Variants in PTPRK observed in about 807,000 individuals in gnomAD.
PTPRK encodes protein tyrosine phosphatase receptor type K.
Under a neutral mutation model 178.0 loss-of-function variants are expected in PTPRK, and 75 were observed. The observed-to-expected ratio is 0.42, with a 90% confidence interval of 0.35 to 0.51. The LOEUF (loss-of-function observed/expected upper bound fraction) is 0.51. Ranked by LOEUF, PTPRK falls within the 20% of genes least tolerant of loss-of-function variation. The pLI, the probability that PTPRK is intolerant of heterozygous loss-of-function variation, is 0.02. For missense variants in PTPRK, 1,441 were observed against 1,797.8 expected (o/e 0.80, Z 3.59); for synonymous variants, 637 against 620.6 (o/e 1.03, Z -0.39).
chr6:128,236,162 T>C (rs984586432), intron 5 of PTPRK, among the ~76,000 whole-genome samples: 1 of 151,922 alleles, frequency 6.6e-6, no homozygotes, highest in Non-Finnish European at 1.5e-5. Flanking sequence ...ACTACAAAAT[T>C]AAAATGGCTT....
chr6:127,985,584 G>T, intron 22 of PTPRK, 137 bp downstream of exon 22: 1 of 948,438 alleles, frequency 1.1e-6, no homozygotes, highest in Non-Finnish European at 1.5e-6. Flanking sequence ...TTATTTTATT[G>T]CTGTTTTACT....
chr6:127,976,916 C>T lies in PTPRK; in HGVS notation c.3843+7G>A. 2 of 1,613,872 alleles carry T rather than the reference C, an allele frequency of 1.2e-6. No homozygotes were observed. Among genetic ancestry groups the T allele is most frequent in the South Asian group, 2.2e-5 (2 of 91,072 alleles). On this transcript the variant is annotated splice_region_variant and intron_variant, in intron 26 of 29. Transcript: ENST00000368226. ...TAAGTACATAAAAGCAATCCATAGCCATTAACCTGGGACAAGTCGACTTCG... is the reference window on the plus strand; with the variant it reads ...TAAGTACATAAAAGCAATCCATAGCTATTAACCTGGGACAAGTCGACTTCG...
chr6:128,209,777 G>C (rs1807740937), intron 6 of PTPRK, among the ~76,000 whole-genome samples: 1 of 152,110 alleles, frequency 6.6e-6, no homozygotes, highest in Non-Finnish European at 1.5e-5. Flanking sequence ...ATTAGAAAAA[G>C]CCAAGACCCT....
At chr6:128,426,173 T>C (rs568032803) in intron 1 of PTPRK, among the ~76,000 whole-genome samples, 1 of 152,328 alleles carries the variant, frequency 6.6e-6, no homozygotes, top group Admixed American at 6.5e-5. Context: ...ATTCCTCTGA[T>C]TTCTAGTCCT....
At chr6:128,089,181 C>T (rs1786485167) in intron 8 of PTPRK, among the ~76,000 whole-genome samples, 1 of 152,184 alleles carries the variant, frequency 6.6e-6, no homozygotes, top group African/African-American at 2.4e-5. Flanking sequence ...CCAGGCTGGT[C>T]TTGAACTCTT....
chr6:128,407,146 T>C (rs1378727818), intron 1 of PTPRK, among the ~76,000 whole-genome samples: 1 of 152,178 alleles, frequency 6.6e-6, no homozygotes, highest in Non-Finnish European at 1.5e-5. Context: ...GCTGTGTACA[T>C]TTAAGTCATC....
At chr6:128,295,626 T>A (rs907355156) in intron 3 of PTPRK, among the ~76,000 whole-genome samples, 1 of 152,104 alleles carries the variant, frequency 6.6e-6, no homozygotes, top group Admixed American at 6.6e-5. Context: ...TACTTTTTGG[T>A]TCTTGCTTCT....
intron 1 of PTPRK, among the ~76,000 whole-genome samples, chr6:128,415,390 A>G (rs1269479509): frequency 3.9e-5 from 6 of 152,158 alleles, no homozygotes; most frequent in African/African-American, 1.4e-4. Flanking sequence ...CATTGCCACA[A>G]TTAAGAATGC....
intron 3 of PTPRK, among the ~76,000 whole-genome samples, chr6:128,297,113 C>G (rs1238220845): frequency 6.6e-6 from 1 of 151,492 alleles, no homozygotes; most frequent in East Asian, 1.9e-4. Flanking sequence ...CAACAAAGAT[C>G]AAAAGAGACA....
intron 2 of PTPRK, among the ~76,000 whole-genome samples, chr6:128,367,692 G>A (rs943858155): frequency 6.6e-6 from 1 of 152,096 alleles, no homozygotes; most frequent in Non-Finnish European, 1.5e-5. Flanking sequence ...ATAATATTAA[G>A]TATGGTGATA....
intron 7 of PTPRK, among the ~76,000 whole-genome samples, chr6:128,147,075 T>C (rs1471956437): frequency 6.6e-6 from 1 of 152,170 alleles, no homozygotes; most frequent in Non-Finnish European, 1.5e-5. Flanking sequence ...TGAGATATTG[T>C]CTTTGTACAA....
At chr6:128,237,400 G>A (rs1562845702) in intron 5 of PTPRK, among the ~76,000 whole-genome samples, 1 of 152,132 alleles carries the variant, frequency 6.6e-6, no homozygotes, top group Non-Finnish European at 1.5e-5. Context: ...CTCAGTACTA[G>A]CAGCAGATAT....
intron 2 of PTPRK, among the ~76,000 whole-genome samples, chr6:128,335,196 A>G (rs1830755008): frequency 6.6e-6 from 1 of 152,202 alleles, no homozygotes; most frequent in African/African-American, 2.4e-5. Flanking sequence ...TCTCCTCTCT[A>G]CCATCTTACT....
At chr6:128,154,866 G>T (rs1056301503) in intron 7 of PTPRK, among the ~76,000 whole-genome samples, 23 of 151,664 alleles carry the variant, frequency 1.5e-4, no homozygotes, top group African/African-American at 4.1e-4. Context: ...GTAGATAGAA[G>T]AATGTAACAA....
At chr6:128,083,905 G>A in intron 8 of PTPRK, 81 bp from the exon 9 acceptor site, 1 of 619,888 alleles carries the variant, frequency 1.6e-6, no homozygotes, top group South Asian at 4.2e-5. Flanking sequence ...TAGATAAACA[G>A]GATTAAAAAT....
In PTPRK at chr6:128,116,929, G is replaced by A. The variant is rs140928701; in HGVS notation, c.1163-26937C>T. On this transcript the variant is annotated intron_variant, in intron 7 of 29. Coordinates refer to ENST00000368226, the MANE Select transcript of PTPRK (RefSeq NM_002844.4). The stretch of plus-strand genomic sequence containing the variant: ...TGGGAGGCCGAGGCGTGTGGATCAC[G>A]AGGTCAGGAGATCAAGACCATCCTG... Among the ~76,000 whole-genome samples, 580 of 152,134 alleles carry A rather than the reference G, an allele frequency of 3.8e-3. 29 individuals carry two copies. The East Asian group carries it at 0.095, about 25-fold the overall frequency.
At chr6:128,280,256 G>C (rs1244751092) in intron 3 of PTPRK, among the ~76,000 whole-genome samples, 1 of 152,136 alleles carries the variant, frequency 6.6e-6, no homozygotes, top group African/African-American at 2.4e-5. Context: ...CTCAGGACCT[G>C]TAAAGTTAGG....
At chr6:128,016,632 G>A (rs1779623122) in intron 13 of PTPRK, among the ~76,000 whole-genome samples, 1 of 150,980 alleles carries the variant, frequency 6.6e-6, no homozygotes, top group Admixed American at 6.7e-5. Context: ...ATGAATAACA[G>A]TTATTAATTT....
At position 127,976,904 on chromosome 6, in the gene PTPRK, G is replaced by A; in HGVS notation, c.3843+19C>T. The A allele has an allele frequency of 6.2e-7, 1 of 1,613,532 alleles. No individual in the cohort carries two copies. The highest frequency in any genetic ancestry group is 8.5e-7 in the Non-Finnish European group (1 of 1,179,856). ...TTAAGTTGTATATAAGTACATAAAA[G>A]CAATCCATAGCCATTAACCTGGGAC... On this transcript the variant is annotated intron_variant, in intron 26 of 29. Transcript: ENST00000368226.
Sources: allele counts gnomAD v4.1 joint callset (sites outside exome capture counted in the v4.1 genomes callset), GRCh38; gene constraint gnomAD v4.1.1; transcripts MANE v1.5; gene names NCBI Gene and HGNC (gene_info 2026-07-23, HGNC 2026-07-21).